MYO3B: variants seen among roughly 807,000 people sequenced by gnomAD.
MYO3B encodes myosin-IIIb.
Under a neutral mutation model 174.6 loss-of-function variants are expected in MYO3B, and 156 were observed. That is an observed-to-expected ratio of 0.89 (90% CI 0.78 to 1.02). The LOEUF (loss-of-function observed/expected upper bound fraction) is 1.02. Ranked by LOEUF, MYO3B falls within the 50% of genes least tolerant of loss-of-function variation. The pLI is 0.00. For missense variants in MYO3B, 1,632 were observed against 1,639.4 expected (o/e 1.00, Z 0.08); for synonymous variants, 563 against 569.1 (o/e 0.99, Z 0.15).
intron 7 of MYO3B, among the ~76,000 whole-genome samples, chr2:170,250,492 C>T (rs1354512047): frequency 3.3e-5 from 5 of 152,216 alleles, no homozygotes; most frequent in African/African-American, 1.2e-4. Flanking sequence ...GCTGCTGCTG[C>T]TCAAACCCAT....
chr2:170,461,487 A>AG (rs1311862578), intron 23 of MYO3B, among the ~76,000 whole-genome samples: 1 of 143,410 alleles, frequency 7.0e-6, no homozygotes, highest in African/African-American at 2.7e-5. Context: ...AAAAAAAAAA[A>AG]GGGCTGGGCC....
intron 7 of MYO3B, among the ~76,000 whole-genome samples, chr2:170,319,208 A>G (rs865983909): frequency 4.9e-4 from 74 of 152,288 alleles, no homozygotes; most frequent in African/African-American, 1.7e-3. Context: ...TGCATTTTCT[A>G]GGTTATAAAT....
At chr2:170,417,476 A>C (rs72876366) in intron 22 of MYO3B, among the ~76,000 whole-genome samples, 9,247 of 152,292 alleles carry the variant, frequency 0.061, 318 homozygotes, top group South Asian at 0.084. Context: ...TGGACTCCCA[A>C]TCTAAGGCTC....
At chr2:170,447,164 C>G (rs1169539183) in intron 23 of MYO3B, among the ~76,000 whole-genome samples, 1 of 152,176 alleles carries the variant, frequency 6.6e-6, no homozygotes, top group Non-Finnish European at 1.5e-5. Flanking sequence ...CTTCCTGCTT[C>G]TGCTGTTTAA....
intron 28 of MYO3B, among the ~76,000 whole-genome samples, chr2:170,506,537 G>A (rs1034167306): frequency 1.3e-5 from 2 of 152,196 alleles, no homozygotes; most frequent in South Asian, 2.1e-4. Flanking sequence ...GGGCTCCCAC[G>A]GTAAACAATG....
At chr2:170,639,249 T>G (rs1184145275) in intron 32 of MYO3B, among the ~76,000 whole-genome samples, 1 of 152,204 alleles carries the variant, frequency 6.6e-6, no homozygotes, top group Non-Finnish European at 1.5e-5. Flanking sequence ...GCTCCAGAAG[T>G]GACATCTCCC....
chr2:170,324,786 C>T (rs925901424), intron 7 of MYO3B, among the ~76,000 whole-genome samples: 1 of 152,208 alleles, frequency 6.6e-6, no homozygotes, highest in South Asian at 2.1e-4. Flanking sequence ...GAGGAAAGAA[C>T]GCTCTTGCAG....
chr2:170,365,843 T>C (rs10185417), intron 8 of MYO3B, among the ~76,000 whole-genome samples: 89,766 of 151,976 alleles, frequency 0.59, 28,012 homozygotes, highest in Admixed American at 0.72. Context: ...CTGAGGATGA[T>C]CCTGTATGGC....
rs143792197 is a variant in MYO3B at position 170,478,889 on chromosome 2, TACACACACACAC to T, written c.3014+12203_3014+12214del. On this transcript the variant is annotated intron_variant, in intron 25 of 34. Transcript: ENST00000408978. ...GCCTGGCCCATATATAGGTTTTACA[TACACACACACAC>T]ACACACACACACACACACACACACT... 1.1e-3 allele frequency among the ~76,000 whole-genome samples: 156 copies of T among 137,310 alleles called. 1 individual carries two copies. The highest frequency in any genetic ancestry group is 3.8e-3 in the African/African-American group (136 of 36,130). The allele number at this position is 137,310 out of a possible 152,430, so 90.1% of individuals were successfully genotyped here.
intron 25 of MYO3B, among the ~76,000 whole-genome samples, chr2:170,475,626 T>C (rs1685266538): frequency 6.6e-6 from 1 of 152,222 alleles, no homozygotes; most frequent in East Asian, 1.9e-4. Flanking sequence ...AATTTTTGCT[T>C]ACACTTTGTG....
intron 32 of MYO3B, among the ~76,000 whole-genome samples, chr2:170,551,424 G>T (rs921711943): frequency 2.7e-5 from 4 of 146,548 alleles, no homozygotes. Context: ...AGGCTGGAGT[G>T]CAGTGGTGTG....
chr2:170,534,564 G>C lies in MYO3B; in HGVS notation c.3576-8342G>C, dbSNP rs184849452. 1.6e-3 allele frequency among the ~76,000 whole-genome samples: 246 copies of C among 152,206 alleles called. 2 individuals are homozygous for C. Among genetic ancestry groups the C allele is most frequent in the African/African-American group, 5.3e-3 (220 of 41,518 alleles). ...GGGCTTAAGTGATCCTCCCATTTTA[G>C]CCACCGAAGTAGCTGGGACTACAGA... On this transcript the variant is annotated intron_variant, in intron 30 of 34. Transcript: ENST00000408978.
chr2:170,534,566 C>T (rs1689564055), intron 30 of MYO3B, among the ~76,000 whole-genome samples: 1 of 152,120 alleles, frequency 6.6e-6, no homozygotes, highest in African/African-American at 2.4e-5. Flanking sequence ...CCATTTTAGC[C>T]ACCGAAGTAG....
intron 32 of MYO3B, chr2:170,602,364 C>T (rs74438571): frequency 0.04 from 24,830 of 620,362 alleles, 698 homozygotes; most frequent in Non-Finnish European, 0.048. Flanking sequence ...GCCTCCTCAC[C>T]CTCTCCACTC....
At chr2:170,363,144 A>G (rs977493448) in intron 8 of MYO3B, among the ~76,000 whole-genome samples, 4 of 152,142 alleles carry the variant, frequency 2.6e-5, no homozygotes, top group African/African-American at 9.7e-5. Context: ...AGCAATGGGA[A>G]CACATAACAA....
At chr2:170,437,262 G>C (rs1424524316) in intron 22 of MYO3B, among the ~76,000 whole-genome samples, 1 of 151,472 alleles carries the variant, frequency 6.6e-6, no homozygotes, top group Non-Finnish European at 1.5e-5. Context: ...CAGAGAGATT[G>C]ATGGGGTTTA....
intron 23 of MYO3B, 114 bp from the exon 24 acceptor site, chr2:170,463,253 TA>T: frequency 1.3e-6 from 1 of 761,768 alleles, no homozygotes; most frequent in Non-Finnish European, 2.2e-6. Context: ...TATTGTGTCC[TA>T]AATACCATGG....
chr2:170,457,426 A>T (rs1278882739), intron 23 of MYO3B, among the ~76,000 whole-genome samples: 1 of 152,112 alleles, frequency 6.6e-6, no homozygotes, highest in Non-Finnish European at 1.5e-5. Context: ...GTACAACTGT[A>T]CAAAAATCTT....
chr2:170,221,038 C>T (rs1382183460), intron 6 of MYO3B, among the ~76,000 whole-genome samples: 1 of 152,158 alleles, frequency 6.6e-6, no homozygotes, highest in African/African-American at 2.4e-5. Context: ...TTTTTCAATT[C>T]AATTCAACAA....
Sources: allele counts gnomAD v4.1 joint callset (sites outside exome capture counted in the v4.1 genomes callset), GRCh38; gene constraint gnomAD v4.1.1; transcripts MANE v1.5; gene names NCBI Gene and HGNC (gene_info 2026-07-23, HGNC 2026-07-21).